SKAP2: variants seen among roughly 807,000 people sequenced by gnomAD.
SKAP2 encodes src kinase-associated phosphoprotein 2.
SKAP2 carries 28 observed loss-of-function variants against 54.9 expected under a neutral mutation model. The observed-to-expected ratio is 0.51, with a 90% CI of 0.38 to 0.70. The LOEUF is 0.70. Among genes scored for constraint, SKAP2 ranks in the 30% least tolerant of loss-of-function variants. SKAP2 has a pLI of 0.00. For synonymous variants in SKAP2, 137 were observed against 134.3 expected (o/e 1.02, Z -0.14); for missense variants, 356 against 424.1 (o/e 0.84, Z 1.41).
chr7:26,824,071 C>A (rs648297), intron 4 of SKAP2, among the ~76,000 whole-genome samples: 63,234 of 151,886 alleles, frequency 0.42, 14,427 homozygotes, highest in East Asian at 0.55. Context: ...ACATTACATG[C>A]CAGAGGGAAA....
intron 2 of SKAP2, among the ~76,000 whole-genome samples, chr7:26,854,432 A>G (rs964537984): frequency 6.6e-6 from 1 of 152,068 alleles, no homozygotes; most frequent in African/African-American, 2.4e-5. Context: ...CATTTAAAGT[A>G]GTAACAAAAG....
the SKAP2 span, among the ~76,000 whole-genome samples, chr7:26,661,261 A>G: frequency 2.8e-4 from 42 of 152,186 alleles, no homozygotes; most frequent in African/African-American, 9.9e-4. Context: ...ACAAACTACA[A>G]ACCAAGATTA....
At position 26,745,182 on chromosome 7, in the gene SKAP2, G is replaced by A. The variant is rs73683509; in HGVS notation, c.308-5218C>T. On this transcript the variant is annotated intron_variant, in intron 4 of 12. Transcript: ENST00000345317. ...GGGTAATTTTTCCTACCACCTACCC[G>A]ACTAAAGTTTCCTTTTCCCTTATAT... Among the ~76,000 whole-genome samples the A allele has an allele frequency of 6.1e-3, 922 of 152,130 alleles. 12 individuals carry two copies. The highest frequency in any genetic ancestry group is 0.02 in the African/African-American group (848 of 41,492).
chr7:26,832,942 G>T (rs939295862), intron 4 of SKAP2, among the ~76,000 whole-genome samples: 1 of 152,128 alleles, frequency 6.6e-6, no homozygotes, highest in Non-Finnish European at 1.5e-5. Flanking sequence ...AAAGCAGCTG[G>T]CAGTAAAGGC....
chr7:26,793,759 T>A (rs765514836), intron 4 of SKAP2, among the ~76,000 whole-genome samples: 1 of 152,196 alleles, frequency 6.6e-6, no homozygotes, highest in Non-Finnish European at 1.5e-5. Flanking sequence ...CAGTCGATGA[T>A]CCTCTCATAT....
At chr7:26,738,394 C>T (rs751799951) in intron 6 of SKAP2, among the ~76,000 whole-genome samples, 28 of 152,020 alleles carry the variant, frequency 1.8e-4, no homozygotes, top group South Asian at 4.1e-4. Flanking sequence ...AGGTGCTGTT[C>T]GTATTTAATT....
intron 6 of SKAP2, among the ~76,000 whole-genome samples, chr7:26,735,116 CCT>C (rs1185146662): frequency 2.6e-5 from 4 of 152,118 alleles, no homozygotes; most frequent in Non-Finnish European, 5.9e-5. Context: ...AGCATCCTTC[CCT>C]CTCTCACTGA....
At chr7:26,819,199 A>T (rs1371487427) in intron 4 of SKAP2, among the ~76,000 whole-genome samples, 2 of 152,204 alleles carry the variant, frequency 1.3e-5, no homozygotes, top group African/African-American at 4.8e-5. Context: ...TAGACTGGAT[A>T]AAGAAAATGT....
intron 9 of SKAP2, among the ~76,000 whole-genome samples, chr7:26,714,134 G>C (rs1350388362): frequency 6.6e-6 from 1 of 152,124 alleles, no homozygotes; most frequent in African/African-American, 2.4e-5. Flanking sequence ...CAGGTGAAGA[G>C]ACAACAGGAA....
At chr7:26,795,156 G>A (rs546069784) in intron 4 of SKAP2, among the ~76,000 whole-genome samples, 3 of 152,184 alleles carry the variant, frequency 2.0e-5, no homozygotes, top group Non-Finnish European at 4.4e-5. Flanking sequence ...TTGCTACACA[G>A]TATTTGCTTC....
chr7:26,710,860 G>A (rs766919720), intron 9 of SKAP2, among the ~76,000 whole-genome samples: 7 of 152,058 alleles, frequency 4.6e-5, no homozygotes, highest in African/African-American at 7.2e-5. Context: ...TTTTATATAC[G>A]TTGTCTCAGC....
intron 4 of SKAP2, among the ~76,000 whole-genome samples, chr7:26,836,578 TAAG>T (rs570189512): frequency 6.9e-4 from 105 of 152,062 alleles, no homozygotes; most frequent in African/African-American, 2.5e-3. Flanking sequence ...GCCAAAAACA[TAAG>T]AAGAAAAGCT....
At chr7:26,852,836 T>C (rs1562636424) in intron 3 of SKAP2, among the ~76,000 whole-genome samples, 1 of 152,148 alleles carries the variant, frequency 6.6e-6, no homozygotes, top group Non-Finnish European at 1.5e-5. Flanking sequence ...TCACTGGAAA[T>C]AATATGCCTT....
intron 10 of SKAP2, among the ~76,000 whole-genome samples, chr7:26,687,794 A>G (rs1181312972): frequency 6.6e-6 from 1 of 152,198 alleles, no homozygotes; most frequent in African/African-American, 2.4e-5. Context: ...AATCCAGTTG[A>G]GATATGTATT....
At chr7:26,719,966 C>T (rs1398342663) in intron 9 of SKAP2, among the ~76,000 whole-genome samples, 1 of 151,898 alleles carries the variant, frequency 6.6e-6, no homozygotes, top group Non-Finnish European at 1.5e-5. Flanking sequence ...GACGTTTGGG[C>T]CAGACAATTC....
chr7:26,844,042 C>T lies in SKAP2; in HGVS notation c.295G>A (p.Ala99Thr). The T allele has an allele frequency of 1.9e-6, 3 of 1,603,064 alleles. No homozygotes were observed. The highest frequency in any genetic ancestry group is 1.1e-5 in the South Asian group (1 of 90,810). The stretch of plus-strand genomic sequence containing the variant: ...AAATGTCACATACCATCAGAGGGGG[C>T]TTCATCGTCTTTATCATATCGTTCT... ...ASERYDKDDE[A>T]PSDGAQFPPI... The change falls in exon 4 of 13, where the codon GCC becomes ACC. Residue 99 changes from alanine to threonine, a missense_variant. Coordinates refer to ENST00000345317, the MANE Select transcript of SKAP2 (RefSeq NM_003930.5).
chr7:26,751,684 A>G, intron 4 of SKAP2, among the ~76,000 whole-genome samples: 1 of 152,140 alleles, frequency 6.6e-6, no homozygotes, highest in East Asian at 1.9e-4. Context: ...TTTTCCTTCC[A>G]CCTAAAACAA....
chr7:26,803,725 C>T (rs1783962746), intron 4 of SKAP2, among the ~76,000 whole-genome samples: 1 of 152,146 alleles, frequency 6.6e-6, no homozygotes, highest in Non-Finnish European at 1.5e-5. Context: ...ACTAAGTGTC[C>T]ATAAACAGAT....
At chr7:26,717,542 A>AG (rs1436954286) in intron 9 of SKAP2, among the ~76,000 whole-genome samples, 1 of 135,514 alleles carries the variant, frequency 7.4e-6, no homozygotes, top group African/African-American at 2.9e-5. Context: ...AAAAAAAAAA[A>AG]GGGCCAGATG....
Sources: gnomAD v4.1 joint callset for allele counts (sites outside exome capture counted in the v4.1 genomes callset) on GRCh38, gnomAD v4.1.1 for gene constraint, MANE v1.5 for transcripts, NCBI Gene and HGNC (gene_info 2026-07-23, HGNC 2026-07-21) for gene names.